RBFOX1: variants seen among roughly 807,000 people sequenced by gnomAD.
RBFOX1 encodes the protein RNA binding fox-1 homolog 1.
In RBFOX1, 8 loss-of-function variants were observed where a neutral mutation model predicts 57.7. That is an observed-to-expected ratio of 0.14 (90% CI 0.08 to 0.25). The LOEUF is 0.25. Among genes scored for constraint, RBFOX1 ranks in the 10% least tolerant of loss-of-function variants. The probability of loss-of-function intolerance (pLI) is 1.00; values close to 1 mark genes in which losing one functional copy is unlikely to be tolerated. For missense variants in RBFOX1, 611 were observed against 548.5 expected (o/e 1.11, Z -1.14); for synonymous variants, 326 against 222.4 (o/e 1.47, Z -4.15).
chr16:5,488,946 G>T (rs533777599), intron 2 of RBFOX1, among the ~76,000 whole-genome samples: 84 of 152,312 alleles, frequency 5.5e-4, no homozygotes, highest in African/African-American at 1.9e-3. Flanking sequence ...CAGTATTCTG[G>T]TAAGCAGTTT....
At chr16:6,390,029 A>G (rs964403824) in intron 2 of RBFOX1, among the ~76,000 whole-genome samples, 3 of 152,206 alleles carry the variant, frequency 2.0e-5, no homozygotes, top group Non-Finnish European at 1.5e-5. Flanking sequence ...GCTTTTGGTC[A>G]GGAGCTCCAT....
chr16:7,205,344 C>T (rs1603058570), intron 4 of RBFOX1, among the ~76,000 whole-genome samples: 1 of 151,900 alleles, frequency 6.6e-6, no homozygotes, highest in Admixed American at 6.6e-5. Context: ...ATGGTGAAAC[C>T]TCATTTCTAC....
intron 4 of RBFOX1, among the ~76,000 whole-genome samples, chr16:7,298,299 T>G (rs1427775412): frequency 1.3e-5 from 2 of 148,416 alleles, no homozygotes; most frequent in South Asian, 2.2e-4. Flanking sequence ...TTTTTTTTTT[T>G]TTTTTTTGAG....
chr16:5,585,206 T>G (rs1294951546), intron 2 of RBFOX1, among the ~76,000 whole-genome samples: 1 of 152,162 alleles, frequency 6.6e-6, no homozygotes, highest in Non-Finnish European at 1.5e-5. Flanking sequence ...ACTAATCTGT[T>G]TTCTGTCTCT....
chr16:6,083,420 T>C (rs1171145087), intron 1 of RBFOX1, among the ~76,000 whole-genome samples: 1 of 152,194 alleles, frequency 6.6e-6, no homozygotes, highest in African/African-American at 2.4e-5. Flanking sequence ...TGTTGAAGTT[T>C]ATTTCTTTCA....
intron 4 of RBFOX1, among the ~76,000 whole-genome samples, chr16:5,994,819 C>T (rs1219293285): frequency 2.6e-5 from 4 of 152,214 alleles, no homozygotes; most frequent in Non-Finnish European, 5.9e-5. Flanking sequence ...CACTATATTT[C>T]AGGGCCTAGC....
At chr16:5,760,014 A>T (rs2151641654) in intron 3 of RBFOX1, among the ~76,000 whole-genome samples, 1 of 152,128 alleles carries the variant, frequency 6.6e-6, no homozygotes, top group African/African-American at 2.4e-5. Flanking sequence ...GGTTAAAAAA[A>T]AAAAAAAACC....
intron 3 of RBFOX1, among the ~76,000 whole-genome samples, chr16:6,837,603 G>A (rs556028309): frequency 1.3e-5 from 2 of 152,318 alleles, no homozygotes; most frequent in East Asian, 3.9e-4. Flanking sequence ...GGAACAATTT[G>A]TGCAATCTTG....
chr16:6,760,042 C>T (rs1450113942), intron 3 of RBFOX1, among the ~76,000 whole-genome samples: 1 of 152,040 alleles, frequency 6.6e-6, no homozygotes, highest in Admixed American at 6.6e-5. Context: ...GTCAATGGCA[C>T]AGCAAAAGGT....
chr16:6,143,985 C>G (rs1349687577), intron 1 of RBFOX1, among the ~76,000 whole-genome samples: 2 of 125,692 alleles, frequency 1.6e-5, no homozygotes, highest in African/African-American at 7.3e-5. Flanking sequence ...ATATATATCT[C>G]TACCTACCTA....
At chr16:7,131,603 T>C (rs1315264992) in intron 4 of RBFOX1, among the ~76,000 whole-genome samples, 1 of 151,700 alleles carries the variant, frequency 6.6e-6, no homozygotes, top group Non-Finnish European at 1.5e-5. Flanking sequence ...CTGCAGTCTT[T>C]CCTGAATACC....
chr16:7,202,587 A>G (rs2088861180), intron 4 of RBFOX1, among the ~76,000 whole-genome samples: 1 of 152,172 alleles, frequency 6.6e-6, no homozygotes, highest in Admixed American at 6.5e-5. Flanking sequence ...GAGCAAGCAA[A>G]GCTTCTTCTG....
chr16:6,876,657 C>G (rs1490547687), intron 3 of RBFOX1, among the ~76,000 whole-genome samples: 1 of 152,012 alleles, frequency 6.6e-6, no homozygotes. Flanking sequence ...ACATTTCTCA[C>G]CTAGGGTTCT....
chr16:6,371,999 A>C (rs1407724646), intron 2 of RBFOX1, among the ~76,000 whole-genome samples: 2 of 152,222 alleles, frequency 1.3e-5, no homozygotes, highest in Non-Finnish European at 2.9e-5. Context: ...GGTACAGATT[A>C]GGTACTAATA....
chr16:7,102,578 AATAATT>A (rs2062873610), intron 4 of RBFOX1, among the ~76,000 whole-genome samples: 1 of 152,180 alleles, frequency 6.6e-6, no homozygotes, highest in African/African-American at 2.4e-5. Flanking sequence ...CATTTGCAAT[AATAATT>A]AGGCAGTGAT....
chr16:6,213,185 T>G (rs1405962825), intron 1 of RBFOX1, among the ~76,000 whole-genome samples: 1 of 152,186 alleles, frequency 6.6e-6, no homozygotes, highest in Admixed American at 6.5e-5. Flanking sequence ...AAACTATATA[T>G]TTTTTTCTTT....
At chr16:5,636,473 A>C (rs1442855080) in intron 3 of RBFOX1, among the ~76,000 whole-genome samples, 1 of 151,970 alleles carries the variant, frequency 6.6e-6, no homozygotes, top group Non-Finnish European at 1.5e-5. Context: ...AATCTGAAGG[A>C]CTCCTCCCGC....
intron 2 of RBFOX1, among the ~76,000 whole-genome samples, chr16:6,424,477 G>C (rs189101482): frequency 1.1e-4 from 16 of 152,252 alleles, no homozygotes; most frequent in Non-Finnish European, 1.6e-4. Context: ...AACATTAAAA[G>C]TGAAGGAAAG....
chr16:7,139,722 T>G (rs1600715373), intron 4 of RBFOX1, among the ~76,000 whole-genome samples: 1 of 152,032 alleles, frequency 6.6e-6, no homozygotes, highest in East Asian at 1.9e-4. Flanking sequence ...CCAAAGGCCA[T>G]GAAGAGGTTG....
Sources: allele counts gnomAD v4.1 joint callset (sites outside exome capture counted in the v4.1 genomes callset), GRCh38; gene constraint gnomAD v4.1.1; transcripts MANE v1.5; gene names NCBI Gene and HGNC (gene_info 2026-07-23, HGNC 2026-07-21).